FGF14: variants seen among roughly 807,000 people sequenced by gnomAD.
The protein encoded by FGF14 is fibroblast growth factor 14, also known as fibroblast growth factor homologous factor 4.
Under a neutral mutation model 25.5 loss-of-function variants are expected in FGF14, and 5 were observed. The ratio of observed to expected loss-of-function variants is 0.20; its 90% confidence interval spans 0.10 to 0.41. The LOEUF (loss-of-function observed/expected upper bound fraction) is 0.41, where lower values mean the gene tolerates loss of function less well. Ranked by LOEUF, FGF14 falls within the 10% of genes least tolerant of loss-of-function variation. The pLI, the probability that FGF14 is intolerant of heterozygous loss-of-function variation, is 1.00. For missense variants in FGF14, 222 were observed against 320.1 expected (o/e 0.69, Z 2.34); for synonymous variants, 138 against 118.3 (o/e 1.17, Z -1.08).
chr13:101,847,019 T>C (rs527577427), intron 3 of FGF14, among the ~76,000 whole-genome samples: 1 of 152,156 alleles, frequency 6.6e-6, no homozygotes, highest in East Asian at 1.9e-4. Flanking sequence ...CCTCAGATTT[T>C]TCATACCTCA....
At chr13:102,347,920 T>TA (rs2057159965) in intron 1 of FGF14, among the ~76,000 whole-genome samples, 1 of 150,626 alleles carries the variant, frequency 6.6e-6, no homozygotes, top group Non-Finnish European at 1.5e-5. Context: ...TCTCTATTTA[T>TA]AACAAAAAAT....
At chr13:101,905,696 TATA>T (rs377146842) in intron 1 of FGF14, among the ~76,000 whole-genome samples, 2 of 152,002 alleles carry the variant, frequency 1.3e-5, no homozygotes, top group African/African-American at 4.8e-5. Flanking sequence ...GAACTTAAAG[TATA>T]ATAATAATAA....
chr13:102,239,712 G>C (rs552467953), intron 1 of FGF14, among the ~76,000 whole-genome samples: 1 of 152,236 alleles, frequency 6.6e-6, no homozygotes, highest in Admixed American at 6.5e-5. Flanking sequence ...AGAAAACCTG[G>C]ACACAGTTTT....
intron 1 of FGF14, among the ~76,000 whole-genome samples, chr13:102,221,345 G>T (rs1275314495): frequency 6.6e-5 from 10 of 152,068 alleles, no homozygotes; most frequent in Non-Finnish European, 1.3e-4. Context: ...AGGACGGAAG[G>T]TTAAATTTTA....
chr13:101,987,925 C>G (rs950036815), intron 1 of FGF14, among the ~76,000 whole-genome samples: 1 of 152,006 alleles, frequency 6.6e-6, no homozygotes, highest in African/African-American at 2.4e-5. Flanking sequence ...CACAACTGAT[C>G]CTGGCACATT....
intron 3 of FGF14, among the ~76,000 whole-genome samples, chr13:101,849,807 T>C (rs1230063920): frequency 6.6e-6 from 1 of 151,790 alleles, no homozygotes; most frequent in Non-Finnish European, 1.5e-5. Flanking sequence ...CTCCTGGGAG[T>C]CATGAGCACC....
intron 1 of FGF14, among the ~76,000 whole-genome samples, chr13:102,120,265 A>T (rs979000604): frequency 1.4e-4 from 22 of 152,234 alleles, no homozygotes; most frequent in Admixed American, 3.3e-4. Context: ...ACACTAAACA[A>T]AGCCGTAAAC....
chr13:102,188,134 A>G (rs2048946516), intron 1 of FGF14, among the ~76,000 whole-genome samples: 3 of 152,184 alleles, frequency 2.0e-5, no homozygotes, highest in African/African-American at 7.2e-5. Context: ...TTAAATATCC[A>G]TCTCCTTTAT....
At chr13:101,897,361 G>C (rs1177103991) in intron 1 of FGF14, among the ~76,000 whole-genome samples, 3 of 152,166 alleles carry the variant, frequency 2.0e-5, no homozygotes, top group Non-Finnish European at 4.4e-5. Flanking sequence ...TAATGTGGAA[G>C]AGCTCTGCAA....
At chr13:101,776,894 T>C (rs182266057) in intron 3 of FGF14, among the ~76,000 whole-genome samples, 1 of 152,336 alleles carries the variant, frequency 6.6e-6, no homozygotes, top group African/African-American at 2.4e-5. Context: ...CATTTCATAG[T>C]CAATGCCTTC....
chr13:101,952,178 T>C (rs957504189), intron 1 of FGF14, among the ~76,000 whole-genome samples: 2 of 152,204 alleles, frequency 1.3e-5, no homozygotes, highest in Admixed American at 1.3e-4. Context: ...GATAAGAATA[T>C]GAAGGATAAG....
At chr13:102,265,193 C>G (rs532891193) in intron 1 of FGF14, among the ~76,000 whole-genome samples, 1 of 152,228 alleles carries the variant, frequency 6.6e-6, no homozygotes, top group African/African-American at 2.4e-5. Flanking sequence ...AAGGTCTCCA[C>G]TACCCTTTAT....
At chr13:102,155,723 G>T (rs1196859025) in intron 1 of FGF14, among the ~76,000 whole-genome samples, 1 of 140,710 alleles carries the variant, frequency 7.1e-6, no homozygotes, top group Non-Finnish European at 1.6e-5. Context: ...GAATCCAGGA[G>T]CTGGTTTTTT....
chr13:101,724,274 T>C (rs1478247640), intron 4 of FGF14, among the ~76,000 whole-genome samples: 1 of 151,856 alleles, frequency 6.6e-6, no homozygotes. Context: ...TATGCAGCCA[T>C]AAAAAATGAT....
intron 1 of FGF14, among the ~76,000 whole-genome samples, chr13:101,987,547 T>G (rs2038658038): frequency 1.3e-5 from 2 of 152,154 alleles, no homozygotes; most frequent in Non-Finnish European, 2.9e-5. Context: ...CAAATTTATC[T>G]TTTTCTTTTT....
At chr13:101,840,906 C>G (rs1048850076) in intron 3 of FGF14, among the ~76,000 whole-genome samples, 4 of 151,868 alleles carry the variant, frequency 2.6e-5, no homozygotes, top group Non-Finnish European at 5.9e-5. Context: ...ACAAAGATGC[C>G]ATTATCGGGG....
At chr13:102,040,060 C>G (rs973933615) in intron 1 of FGF14, among the ~76,000 whole-genome samples, 4 of 152,092 alleles carry the variant, frequency 2.6e-5, no homozygotes, top group African/African-American at 9.7e-5. Flanking sequence ...GAAAATGTTA[C>G]CTGTGAGTTG....
At chr13:102,327,716 G>A (rs935787190) in intron 1 of FGF14, among the ~76,000 whole-genome samples, 1 of 151,852 alleles carries the variant, frequency 6.6e-6, no homozygotes, top group Non-Finnish European at 1.5e-5. Flanking sequence ...GTGCATGCCC[G>A]TGGCCCCAGC....
At chr13:101,874,470 A>G (rs2045284372) in intron 2 of FGF14, among the ~76,000 whole-genome samples, 1 of 152,198 alleles carries the variant, frequency 6.6e-6, no homozygotes. Flanking sequence ...TAAATTAAAA[A>G]TGAATCAGAT....
Sources: gnomAD v4.1 joint callset for allele counts (sites outside exome capture counted in the v4.1 genomes callset) on GRCh38, gnomAD v4.1.1 for gene constraint, MANE v1.5 for transcripts, NCBI Gene and HGNC (gene_info 2026-07-23, HGNC 2026-07-21) for gene names.